Variants in ANKRD55 observed in about 807,000 individuals in gnomAD.
ANKRD55 encodes the protein ankyrin repeat domain-containing protein 55.
Under a neutral mutation model 60.6 loss-of-function variants are expected in ANKRD55, and 41 were observed. That is an observed-to-expected ratio of 0.68 (90% CI 0.53 to 0.88). The LOEUF (loss-of-function observed/expected upper bound fraction) is 0.88, where lower values mean the gene tolerates loss of function less well. Among genes scored for constraint, ANKRD55 ranks in the 40% least tolerant of loss-of-function variants. ANKRD55 has a pLI of 0.00. For missense variants in ANKRD55, 732 were observed against 767.6 expected (o/e 0.95, Z 0.55); for synonymous variants, 264 against 290.3 (o/e 0.91, Z 0.92).
intron 3 of ANKRD55, 74 bp downstream of exon 3, chr5:56,183,437 AT>A: frequency 6.4e-7 from 1 of 1,572,746 alleles, no homozygotes; most frequent in South Asian, 1.2e-5. Context: ...ATTTATTAAC[AT>A]TGCTCATGTC....
At chr5:56,221,874 C>T (rs1192640878) in intron 2 of ANKRD55, among the ~76,000 whole-genome samples, 2 of 152,210 alleles carry the variant, frequency 1.3e-5, no homozygotes, top group Non-Finnish European at 2.9e-5. Flanking sequence ...GAGCCCACCG[C>T]AGTTCAAGGA....
rs192056197 is a variant in ANKRD55 at position 56,147,170 on chromosome 5, G to A, written c.484-3241C>T. Among the ~76,000 whole-genome samples the A allele has an allele frequency of 9.2e-5, 14 of 152,252 alleles. No individual in the cohort carries two copies. In the East Asian group the frequency reaches 1.5e-3, roughly 17 times the overall value. ...ATCTTTACATGATCCTAAGGGGTTA[G>A]TAGTTTTAAGCCTATTTTACAGGCA... On this transcript the variant is annotated intron_variant, in intron 6 of 11. Transcript: ENST00000341048.
rs770889071 is a variant in ANKRD55 at position 56,232,846 on chromosome 5, A to G, written c.58+10T>C. On this transcript the variant is annotated intron_variant, in intron 2 of 11. Transcript: ENST00000341048. ...TAACAACCAAAGAATGTGTTAAAGC[A>G]GCATTTTACCTCTTTGCTGATCAAA... 1.2e-6 allele frequency: 2 copies of G among 1,613,652 alleles called. No individual in the cohort carries two copies. Among genetic ancestry groups the G allele is most frequent in the Non-Finnish European group, 1.7e-6 (2 of 1,179,586 alleles).
At chr5:56,221,319 T>C (rs1759959703) in intron 2 of ANKRD55, among the ~76,000 whole-genome samples, 1 of 152,230 alleles carries the variant, frequency 6.6e-6, no homozygotes, top group Non-Finnish European at 1.5e-5. Context: ...TGTCTAGCAT[T>C]CCCATTTTAG....
chr5:56,193,363 A>G, intron 2 of ANKRD55: 1 of 753,610 alleles, frequency 1.3e-6, no homozygotes, highest in East Asian at 3.0e-5. Context: ...TTGTTTCAGA[A>G]CACCATTTAA....
intron 8 of ANKRD55, among the ~76,000 whole-genome samples, chr5:56,125,439 C>T (rs1034106226): frequency 1.3e-5 from 2 of 152,014 alleles, no homozygotes; most frequent in Non-Finnish European, 2.9e-5. Context: ...CGCCACCACA[C>T]CTGGCTAATT....
chr5:56,146,554 A>C (rs1331985905), intron 6 of ANKRD55, among the ~76,000 whole-genome samples: 1 of 152,186 alleles, frequency 6.6e-6, no homozygotes, highest in African/African-American at 2.4e-5. Context: ...TGCTGGGATT[A>C]CAAGAGTGAA....
intron 8 of ANKRD55, 145 bp from the exon 9 acceptor site, chr5:56,116,927 A>G: frequency 1.2e-6 from 1 of 826,732 alleles, no homozygotes; most frequent in Non-Finnish European, 1.8e-6. Flanking sequence ...TAAGTGTTAA[A>G]TGAGCCCGAA....
intron 2 of ANKRD55, among the ~76,000 whole-genome samples, chr5:56,215,989 G>T (rs540008719): frequency 1.4e-5 from 2 of 139,132 alleles, no homozygotes; most frequent in Admixed American, 1.4e-4. Flanking sequence ...GGAATAGGCT[G>T]GGGTTAAGAG....
At chr5:56,101,692 G>A (rs188959993) in intron 11 of ANKRD55, among the ~76,000 whole-genome samples, 2 of 152,074 alleles carry the variant, frequency 1.3e-5, no homozygotes, top group East Asian at 3.9e-4. Context: ...AAGATCACTG[G>A]CCCAATGGAG....
At chr5:56,160,042 T>G in intron 5 of ANKRD55, 149 bp from the exon 6 acceptor site, 1 of 656,564 alleles carries the variant, frequency 1.5e-6, no homozygotes, top group Non-Finnish European at 2.7e-6. Context: ...GGGAAAAAGA[T>G]CCACAGAAAA....
At chr5:56,223,059 A>G (rs1760011123) in intron 2 of ANKRD55, among the ~76,000 whole-genome samples, 1 of 152,212 alleles carries the variant, frequency 6.6e-6, no homozygotes, top group Non-Finnish European at 1.5e-5. Context: ...TGTCAGATTC[A>G]CCAAAGTTGA....
chr5:56,157,646 A>T (rs979662402), intron 6 of ANKRD55, among the ~76,000 whole-genome samples: 1 of 152,252 alleles, frequency 6.6e-6, no homozygotes, highest in Admixed American at 6.5e-5. Flanking sequence ...GTATGTGCAC[A>T]TCAAAAGCAC....
At chr5:56,231,353 G>A (rs926529389) in intron 2 of ANKRD55, among the ~76,000 whole-genome samples, 60 of 152,310 alleles carry the variant, frequency 3.9e-4, no homozygotes, top group African/African-American at 1.4e-3. Context: ...AATCCTGTTA[G>A]AAGGTACAGC....
intron 7 of ANKRD55, among the ~76,000 whole-genome samples, chr5:56,142,259 G>T (rs756429665): frequency 6.6e-6 from 1 of 152,054 alleles, no homozygotes; most frequent in African/African-American, 2.4e-5. Flanking sequence ...ACCAGGACCC[G>T]GGAGGTGGAG....
At chr5:56,183,833 C>T (rs1365111393) in intron 2 of ANKRD55, among the ~76,000 whole-genome samples, 199 bp from the exon 3 acceptor site, 1 of 152,170 alleles carries the variant, frequency 6.6e-6, no homozygotes, top group African/African-American at 2.4e-5. Flanking sequence ...TGTAACACCG[C>T]CGTGTATTGG....
intron 10 of ANKRD55, among the ~76,000 whole-genome samples, chr5:56,106,545 T>C (rs984487168): frequency 1.3e-5 from 2 of 149,264 alleles, no homozygotes; most frequent in Non-Finnish European, 3.0e-5. Context: ...CACCTCAGCC[T>C]CCACAGTAGC....
intron 9 of ANKRD55, among the ~76,000 whole-genome samples, chr5:56,115,923 C>T (rs1756870955): frequency 6.6e-6 from 1 of 151,844 alleles, no homozygotes; most frequent in South Asian, 2.1e-4. Flanking sequence ...GGAGTGATCT[C>T]GGGTCACTGC....
chr5:56,170,724 A>C lies in ANKRD55; in HGVS notation c.392T>G (p.Leu131Arg), dbSNP rs1206645199. The change falls in exon 5 of 12, where the codon CTG becomes CGG. Residue 131 changes from leucine (L) to arginine (R), a missense_variant. Physicochemically the swap from Leu to Arg is moderately radical, Grantham distance 102. This residue lies in a region of ANKRD55 where 597 missense variants were observed against 607.5 expected (regional missense o/e 0.98). Transcript: ENST00000341048. ...ATCGGGCTCAGCAGTGGCAGCATGCAGTGGCAGGCGGCCATTTTTATCTGG... is the reference window on the plus strand; with the variant it reads ...ATCGGGCTCAGCAGTGGCAGCATGCCGTGGCAGGCGGCCATTTTTATCTGG... ...NIPDKNGRLPLHAATAEPDMR... is the reference protein window; with the variant it reads ...NIPDKNGRLPRHAATAEPDMR... 6.2e-7 allele frequency: 1 copy of C among 1,614,074 alleles called. No individual in the cohort carries two copies. The highest frequency in any genetic ancestry group is 1.3e-5 in the African/African-American group (1 of 74,932).
Sources: gnomAD v4.1 joint callset for allele counts (sites outside exome capture counted in the v4.1 genomes callset) on GRCh38, gnomAD v4.1.1 for gene constraint, gnomAD v4.1.1 regional missense constraint, MANE v1.5 for transcripts, NCBI Gene and HGNC (gene_info 2026-07-23, HGNC 2026-07-21) for gene names.